Variants in RSPO2 observed in about 807,000 individuals in gnomAD.
RSPO2 encodes R-spondin 2.
In RSPO2, 14 loss-of-function variants were observed where a neutral mutation model predicts 30.9. That is an observed-to-expected ratio of 0.45 (90% CI 0.30 to 0.71). The LOEUF is 0.71. Ranked by LOEUF, RSPO2 falls within the 30% of genes least tolerant of loss-of-function variation. The pLI, the probability that RSPO2 is intolerant of heterozygous loss-of-function variation, is 0.08. For missense variants in RSPO2, 264 were observed against 301.9 expected (o/e 0.87, Z 0.93); for synonymous variants, 107 against 96.4 (o/e 1.11, Z -0.64).
intron 2 of RSPO2, among the ~76,000 whole-genome samples, chr8:108,066,495 A>G (rs1392425549): frequency 6.6e-6 from 1 of 152,152 alleles, no homozygotes; most frequent in Non-Finnish European, 1.5e-5. Context: ...CAGTAAGCAG[A>G]AACTGTTGGA....
intron 5 of RSPO2, among the ~76,000 whole-genome samples, chr8:107,945,916 A>G (rs1354453409): frequency 1.3e-5 from 2 of 152,264 alleles, no homozygotes; most frequent in Non-Finnish European, 2.9e-5. Context: ...CCTAGATTAC[A>G]CTGTCGATGA....
chr8:107,981,403 C>A (rs568322904), intron 3 of RSPO2, among the ~76,000 whole-genome samples: 1 of 151,890 alleles, frequency 6.6e-6, no homozygotes, highest in African/African-American at 2.4e-5. Context: ...CGCCTGTAGT[C>A]CCAGCTACTT....
intron 2 of RSPO2, among the ~76,000 whole-genome samples, chr8:107,993,254 T>C (rs1474723780): frequency 2.2e-4 from 34 of 152,124 alleles, no homozygotes. Context: ...ACAGAATCTA[T>C]AACTTCTAAA....
At chr8:107,974,699 A>G (rs1814147076) in intron 3 of RSPO2, among the ~76,000 whole-genome samples, 5 of 152,038 alleles carry the variant, frequency 3.3e-5, no homozygotes, top group Admixed American at 3.3e-4. Context: ...AGAGACAGGG[A>G]GAGAGGGGAG....
intron 2 of RSPO2, among the ~76,000 whole-genome samples, chr8:108,009,935 G>A (rs1810644905): frequency 6.6e-6 from 1 of 151,518 alleles, no homozygotes; most frequent in Non-Finnish European, 1.5e-5. Flanking sequence ...TGTAGTCCCA[G>A]CTACTTGCGA....
chr8:107,938,052 C>T (rs661723), intron 5 of RSPO2, among the ~76,000 whole-genome samples: 100,589 of 151,932 alleles, frequency 0.66, 35,377 homozygotes, highest in East Asian at 0.9. Context: ...AACACTCCGA[C>T]AACATAAAAA....
chr8:107,909,641 TA>T (rs1443316710), intron 5 of RSPO2, among the ~76,000 whole-genome samples: 1 of 152,120 alleles, frequency 6.6e-6, no homozygotes, highest in Non-Finnish European at 1.5e-5. Context: ...CTGAAGACAA[TA>T]TTACCCTGAC....
intron 2 of RSPO2, among the ~76,000 whole-genome samples, chr8:108,033,949 G>A (rs1811509702): frequency 6.6e-6 from 1 of 152,090 alleles, no homozygotes; most frequent in Non-Finnish European, 1.5e-5. Context: ...ATTTTTCTAA[G>A]AGCAATCAAA....
chr8:107,928,194 C>G (rs188743048), intron 5 of RSPO2, among the ~76,000 whole-genome samples: 4 of 152,270 alleles, frequency 2.6e-5, no homozygotes, highest in Admixed American at 2.0e-4. Context: ...TCTGTCGTTA[C>G]TTCAGTAGTT....
At chr8:107,906,928 A>C (rs1004302516) in intron 5 of RSPO2, among the ~76,000 whole-genome samples, 1 of 151,980 alleles carries the variant, frequency 6.6e-6, no homozygotes, top group African/African-American at 2.4e-5. Context: ...AACATTTTAA[A>C]TCTACTCTTT....
At chr8:108,016,657 G>A (rs535384770) in intron 2 of RSPO2, among the ~76,000 whole-genome samples, 161 of 152,228 alleles carry the variant, frequency 1.1e-3, no homozygotes, top group South Asian at 3.5e-3. Context: ...AGGTTGATAC[G>A]GTTTGGATGT....
chr8:107,988,587 A>C (rs1185598454), intron 3 of RSPO2, among the ~76,000 whole-genome samples: 1 of 152,146 alleles, frequency 6.6e-6, no homozygotes, highest in Non-Finnish European at 1.5e-5. Flanking sequence ...ATAAAGTAAA[A>C]GTGCTCTTAT....
chr8:108,037,269 C>T (rs986659245), intron 2 of RSPO2, among the ~76,000 whole-genome samples: 3 of 152,094 alleles, frequency 2.0e-5, no homozygotes, highest in Admixed American at 6.5e-5. Flanking sequence ...GCCATATTAC[C>T]GATGTGGAGA....
intron 3 of RSPO2, among the ~76,000 whole-genome samples, chr8:107,970,359 AC>A (rs1813952912): frequency 6.6e-6 from 1 of 152,220 alleles, no homozygotes; most frequent in Non-Finnish European, 1.5e-5. Flanking sequence ...AAGGGCCCTA[AC>A]AAAAAGATAG....
chr8:107,912,342 C>T (rs1399425084), intron 5 of RSPO2, among the ~76,000 whole-genome samples: 2 of 152,144 alleles, frequency 1.3e-5, no homozygotes, highest in African/African-American at 4.8e-5. Flanking sequence ...TAAAGTACTG[C>T]TGAAAGGGTG....
At chr8:108,050,254 T>C (rs1322791495) in intron 2 of RSPO2, among the ~76,000 whole-genome samples, 3 of 152,164 alleles carry the variant, frequency 2.0e-5, no homozygotes, top group Non-Finnish European at 2.9e-5. Context: ...AGCCTCCCAG[T>C]GAAAGTAAGT....
intron 2 of RSPO2, among the ~76,000 whole-genome samples, chr8:108,015,097 G>A (rs930006899): frequency 1.3e-5 from 2 of 152,068 alleles, no homozygotes; most frequent in South Asian, 2.1e-4. Context: ...TGATTCATAC[G>A]TTGGTTTCTT....
chr8:108,080,000 G>A (rs1326798837), intron 2 of RSPO2, among the ~76,000 whole-genome samples: 1 of 152,158 alleles, frequency 6.6e-6, no homozygotes, highest in African/African-American at 2.4e-5. Flanking sequence ...TCTTTTTGGG[G>A]AAAGCCAATT....
At chr8:108,064,999 C>T (rs1203451051) in intron 2 of RSPO2, among the ~76,000 whole-genome samples, 1 of 151,794 alleles carries the variant, frequency 6.6e-6, no homozygotes, top group East Asian at 1.9e-4. Context: ...GGATGGGGAA[C>T]ATCACACACC....
Sources: allele counts gnomAD v4.1 joint callset (sites outside exome capture counted in the v4.1 genomes callset), GRCh38; gene constraint gnomAD v4.1.1; transcripts MANE v1.5; gene names NCBI Gene and HGNC (gene_info 2026-07-23, HGNC 2026-07-21).